DGKB: variants seen among roughly 807,000 people sequenced by gnomAD.
DGKB encodes diacylglycerol kinase beta, also known as 90 kDa diacylglycerol kinase.
A neutral mutation model predicts 114.3 loss-of-function variants in DGKB; 67 were observed. The observed-to-expected ratio is 0.59, with a 90% CI of 0.48 to 0.72. DGKB has a LOEUF of 0.72. DGKB is among the 30% of genes least tolerant of loss of function. The probability of loss-of-function intolerance (pLI) is 0.00; values close to 1 mark genes in which losing one functional copy is unlikely to be tolerated. For missense variants in DGKB, 907 were observed against 975.2 expected, an observed-to-expected ratio of 0.93 and a Z score of 0.93; for synonymous variants, 398 against 323.1, an observed-to-expected ratio of 1.23 and a Z score of -2.49.
Position 14,959,239 on chromosome 7 carries a change from T to C in DGKB, c.-188+15457A>G, listed in dbSNP as rs190924055. ...ATTAGTACATTTATTGATAAGTTTA[T>C]TTCTAGGTACTTTATAGTTTTTTTT... is the stretch of plus-strand genomic sequence containing the variant. On this transcript the variant is annotated intron_variant, in intron 1 of 4. Transcript: ENST00000437998. Among the ~76,000 whole-genome samples the C allele has an allele frequency of 2.3e-3, 353 of 152,254 alleles. 2 individuals are homozygous for C. The highest frequency in any genetic ancestry group is 7.8e-3 in the African/African-American group (325 of 41,584).
At chr7:14,748,557 C>G (rs1162233205) in intron 4 of DGKB, among the ~76,000 whole-genome samples, 4 of 152,036 alleles carry the variant, frequency 2.6e-5, no homozygotes, top group Admixed American at 1.3e-4. Flanking sequence ...GAAATTGGAG[C>G]AGGAGTGAGG....
intron 20 of DGKB, among the ~76,000 whole-genome samples, chr7:14,541,031 T>C (rs1793345626): frequency 6.6e-6 from 1 of 152,156 alleles, no homozygotes; most frequent in Non-Finnish European, 1.5e-5. Flanking sequence ...GACTCCTTCT[T>C]GATAGACCAC....
chr7:14,935,644 T>C (rs1450876919), intron 1 of DGKB, among the ~76,000 whole-genome samples: 1 of 152,144 alleles, frequency 6.6e-6, no homozygotes, highest in Non-Finnish European at 1.5e-5. Flanking sequence ...TGCAGAATAC[T>C]ACTTCTGTAT....
chr7:14,774,786 T>C (rs1348394352), intron 2 of DGKB, among the ~76,000 whole-genome samples: 1 of 152,206 alleles, frequency 6.6e-6, no homozygotes, highest in African/African-American at 2.4e-5. Flanking sequence ...GTTATTGTTT[T>C]AGAATTCTCT....
At chr7:14,194,622 A>C (rs1375569146) in intron 23 of DGKB, among the ~76,000 whole-genome samples, 3 of 152,098 alleles carry the variant, frequency 2.0e-5, no homozygotes, top group Non-Finnish European at 4.4e-5. Flanking sequence ...TGAGGGGTTA[A>C]TATATGTTAT....
chr7:14,792,940 C>T (rs1840885509), intron 2 of DGKB, among the ~76,000 whole-genome samples: 1 of 152,010 alleles, frequency 6.6e-6, no homozygotes, highest in Admixed American at 6.6e-5. Context: ...TATAAAAATG[C>T]TCTTTTGGCA....
intron 1 of DGKB, among the ~76,000 whole-genome samples, chr7:14,972,437 T>C (rs1448202716): frequency 6.6e-6 from 1 of 152,098 alleles, no homozygotes; most frequent in Non-Finnish European, 1.5e-5. Context: ...AAAATGTTTG[T>C]TTTCAAATCC....
At chr7:14,598,489 T>C (rs1011211622) in intron 17 of DGKB, among the ~76,000 whole-genome samples, 2 of 152,222 alleles carry the variant, frequency 1.3e-5, no homozygotes, top group African/African-American at 4.8e-5. Flanking sequence ...TGCTCATGTT[T>C]CTTCAGCATA....
chr7:14,158,645 C>G (rs1783400677), intron 25 of DGKB, among the ~76,000 whole-genome samples: 1 of 152,098 alleles, frequency 6.6e-6, no homozygotes, highest in African/African-American at 2.4e-5. Context: ...GATAACTTAT[C>G]CACAAAAAAA....
intron 17 of DGKB, among the ~76,000 whole-genome samples, chr7:14,597,226 T>A (rs1349893908): frequency 2.0e-5 from 3 of 152,060 alleles, no homozygotes; most frequent in African/African-American, 4.8e-5. Flanking sequence ...CCATGAATAA[T>A]TTAATTACAC....
rs183991009 is a variant in DGKB at position 14,694,828 on chromosome 7, T to C, written c.592-634A>G. On this transcript the variant is annotated intron_variant, in intron 8 of 25. Transcript: ENST00000402815. ...GAGGATTAAATAAGCTAACGTATTA[T>C]AAGCAGACGAGCCCCTGGCATACAG... 4.5e-4 allele frequency among the ~76,000 whole-genome samples: 68 copies of C among 152,290 alleles called. 1 individual carries two copies. Among genetic ancestry groups the C allele is most frequent in the Non-Finnish European group, 7.4e-5 (5 of 68,024 alleles).
At chr7:14,532,062 A>G (rs2128595433) in intron 20 of DGKB, among the ~76,000 whole-genome samples, 1 of 151,506 alleles carries the variant, frequency 6.6e-6, no homozygotes, top group East Asian at 1.9e-4. Context: ...TGTTCTCAGA[A>G]CTATATCCAT....
At chr7:14,210,650 A>G (rs536369319) in intron 23 of DGKB, among the ~76,000 whole-genome samples, 1 of 152,180 alleles carries the variant, frequency 6.6e-6, no homozygotes, top group African/African-American at 2.4e-5. Flanking sequence ...TCTCCGCAAC[A>G]TCAAATCTCA....
intron 21 of DGKB, among the ~76,000 whole-genome samples, chr7:14,356,296 A>C (rs1814475725): frequency 7.5e-6 from 1 of 132,968 alleles, no homozygotes; most frequent in African/African-American, 2.8e-5. Context: ...CCCTGATCTT[A>C]GTTGTTTCTT....
At chr7:14,312,104 A>T (rs191877510) in intron 23 of DGKB, among the ~76,000 whole-genome samples, 4 of 152,346 alleles carry the variant, frequency 2.6e-5, no homozygotes, top group East Asian at 1.9e-4. Flanking sequence ...CATTTCAAAA[A>T]GAAAAATCAG....
intron 25 of DGKB, among the ~76,000 whole-genome samples, chr7:14,170,133 T>TAAAA (rs1780660470): frequency 8.2e-5 from 3 of 36,618 alleles, no homozygotes; most frequent in Non-Finnish European, 1.8e-4. Context: ...AAACTCCATC[T>TAAAA]CAAAAAAAAA....
intron 6 of DGKB, among the ~76,000 whole-genome samples, chr7:14,714,725 G>T (rs1413304299): frequency 6.6e-6 from 1 of 152,138 alleles, no homozygotes; most frequent in African/African-American, 2.4e-5. Context: ...ATAACCCAAA[G>T]AATTATATTT....
chr7:14,842,443 T>A (rs1297853417), intron 1 of DGKB, among the ~76,000 whole-genome samples: 1 of 152,196 alleles, frequency 6.6e-6, no homozygotes, highest in Non-Finnish European at 1.5e-5. Flanking sequence ...TAGTTTAATA[T>A]ACAATGGGGA....
intron 25 of DGKB, among the ~76,000 whole-genome samples, chr7:14,158,887 T>C (rs534597410): frequency 1.6e-3 from 246 of 152,304 alleles, no homozygotes; most frequent in African/African-American, 5.4e-3. Context: ...ACCAATAATC[T>C]ATTATTGACT....
Sources: allele counts gnomAD v4.1 joint callset (sites outside exome capture counted in the v4.1 genomes callset), GRCh38; gene constraint gnomAD v4.1.1; transcripts MANE v1.5; gene names NCBI Gene and HGNC (gene_info 2026-07-23, HGNC 2026-07-21).